Variants in FAM184B observed in about 807,000 individuals in gnomAD.
The protein encoded by FAM184B is protein FAM184B.
FAM184B carries 111 observed loss-of-function variants against 135.9 expected under a neutral mutation model. The ratio of observed to expected loss-of-function variants is 0.82; its 90% CI spans 0.70 to 0.96. The LOEUF (loss-of-function observed/expected upper bound fraction) is 0.96, where lower values mean the gene tolerates loss of function less well. Among genes scored for constraint, FAM184B ranks in the 40% least tolerant of loss-of-function variants. The pLI is 0.00. For missense variants in FAM184B, 1,375 were observed against 1,323.9 expected (o/e 1.04, Z -0.60); for synonymous variants, 552 against 524.8 (o/e 1.05, Z -0.71).
chr4:17,709,365 C>T lies in FAM184B; in HGVS notation c.421G>A (p.Ala141Thr), dbSNP rs1385399915. 2 of 1,544,282 alleles carry T rather than the reference C, an allele frequency of 1.3e-6. No homozygotes were observed. The highest frequency in any genetic ancestry group is 1.4e-5 in the African/African-American group (1 of 73,038). Residue 141 changes from alanine to threonine, a missense_variant, in exon 2 of 18, where the codon GCC becomes ACC. Physicochemically the swap from Ala to Thr is moderately conservative, Grantham distance 58. Transcript: ENST00000265018. ...ERELRVEAEH[A>T]ERVLTLSREM... is the part of the protein sequence containing the mutation. ...CTGGAGAGCGTGAGGACTCGCTCGG[C>T]GTGCTCTGCCTCCACCCTCAGCTCT... is the stretch of plus-strand genomic sequence containing the variant.
In FAM184B at chr4:17,666,587, G is replaced by C. The variant is rs535290821; in HGVS notation, c.1597-1928C>G. ...GATCTGCCCACCTCCGCCTCCCAAA[G>C]TGCTGGGATTACAGACGCAAGTCAC... On this transcript the variant is annotated intron_variant, in intron 7 of 17. Transcript: ENST00000265018. 2.8e-5 allele frequency among the ~76,000 whole-genome samples: 4 copies of C among 142,938 alleles called. No homozygotes were observed. In the East Asian group the frequency reaches 8.7e-4, roughly 31 times the overall value. The allele number at this position is 142,938 out of a possible 152,430, so 93.8% of individuals were successfully genotyped here.
intron 10 of FAM184B, among the ~76,000 whole-genome samples, chr4:17,653,824 A>C (rs73800326): frequency 0.077 from 9,412 of 122,936 alleles, 998 homozygotes; most frequent in African/African-American, 0.25. Context: ...GATTATCCTG[A>C]AATATCTGGG....
At chr4:17,641,996 G>C (rs1458600335) in intron 13 of FAM184B, 60 bp downstream of exon 13, 1 of 1,474,174 alleles carries the variant, frequency 6.8e-7, no homozygotes, top group Non-Finnish European at 8.9e-7. Context: ...GTAGGGGGAG[G>C]GGGGGTGGCG....
At chr4:17,766,912 G>A (rs1158182537) in intron 1 of FAM184B, among the ~76,000 whole-genome samples, 2 of 152,202 alleles carry the variant, frequency 1.3e-5, no homozygotes, top group Non-Finnish European at 2.9e-5. Flanking sequence ...GTGCAGGGGA[G>A]GCTCAGGCAT....
At chr4:17,739,668 C>A (rs1365931529) in intron 1 of FAM184B, among the ~76,000 whole-genome samples, 1 of 144,820 alleles carries the variant, frequency 6.9e-6, no homozygotes, top group African/African-American at 2.5e-5. Flanking sequence ...GATTCTCCTG[C>A]CTCAGCGTCC....
At chr4:17,643,794 C>T (rs549160959) in intron 12 of FAM184B, among the ~76,000 whole-genome samples, 30 of 152,334 alleles carry the variant, frequency 2.0e-4, no homozygotes, top group African/African-American at 7.2e-4. Context: ...TCCTCACCAC[C>T]CACAGGCACT....
chr4:17,765,356 A>T (rs560591798), intron 1 of FAM184B, among the ~76,000 whole-genome samples: 2 of 152,260 alleles, frequency 1.3e-5, no homozygotes, highest in African/African-American at 4.8e-5. Flanking sequence ...CCTCAAGGAA[A>T]CGTCTAGCAA....
At chr4:17,733,116 G>T in intron 1 of FAM184B, among the ~76,000 whole-genome samples, 1 of 151,644 alleles carries the variant, frequency 6.6e-6, no homozygotes. Flanking sequence ...TGCAGAAAAG[G>T]CCTTTGACAA....
chr4:17,729,742 A>G (rs1717731407), intron 1 of FAM184B, among the ~76,000 whole-genome samples: 1 of 152,252 alleles, frequency 6.6e-6, no homozygotes, highest in Non-Finnish European at 1.5e-5. Context: ...CAGAAAGGAC[A>G]TCCACACCAA....
In FAM184B at chr4:17,630,839, G is replaced by C. The variant is rs1714910494; in HGVS notation, c.*1693C>G. The stretch of plus-strand genomic sequence containing the variant: ...TGTGAACTGAACTTTCTATTTCTAA[G>C]CTGTCTTCATCTAATTTTACCTTTC... On this transcript the variant is annotated 3_prime_UTR_variant, in exon 18 of 18. Transcript: ENST00000265018. 1 of 151,816 alleles carries C rather than the reference G, an allele frequency of 6.6e-6. No individual in the cohort carries two copies. The highest frequency in any genetic ancestry group is 1.5e-5 in the Non-Finnish European group (1 of 67,978). 9.4% of individuals were successfully genotyped at this position (151,816 alleles called of 1,614,324 possible). A position where few individuals can be genotyped will look rare whatever the true frequency, so the allele number is the denominator to read the frequency against.
At chr4:17,678,836 G>C (rs1716375857) in intron 7 of FAM184B, among the ~76,000 whole-genome samples, 1 of 152,126 alleles carries the variant, frequency 6.6e-6, no homozygotes, top group South Asian at 2.1e-4. Flanking sequence ...CAGACACATA[G>C]GCCAATGGAA....
At chr4:17,711,762 C>T (rs564798564) in intron 1 of FAM184B, among the ~76,000 whole-genome samples, 21 of 152,202 alleles carry the variant, frequency 1.4e-4, no homozygotes, top group Admixed American at 1.2e-3. Context: ...TTTCAAGAGC[C>T]GTGAGAACAC....
intron 9 of FAM184B, 46 bp from the exon 10 acceptor site, chr4:17,658,608 C>T (rs1317720149): frequency 1.3e-6 from 2 of 1,523,904 alleles, no homozygotes; most frequent in African/African-American, 2.8e-5. Flanking sequence ...CTTGCCTTTC[C>T]TGGGATGTTT....
At chr4:17,741,317 T>C (rs1718027151) in intron 1 of FAM184B, among the ~76,000 whole-genome samples, 1 of 152,086 alleles carries the variant, frequency 6.6e-6, no homozygotes, top group Admixed American at 6.5e-5. Context: ...ACTGAGAAAG[T>C]GACATGCGAG....
intron 1 of FAM184B, among the ~76,000 whole-genome samples, chr4:17,709,889 A>G (rs1343187184): frequency 6.6e-6 from 1 of 152,220 alleles, no homozygotes; most frequent in Non-Finnish European, 1.5e-5. Context: ...GGCCCCAGAG[A>G]GGGCAGCTTT....
Position 17,781,037 on chromosome 4 carries a change from G to T in FAM184B, c.141+122C>A. ...TTTAGGACCGCTTCCCTTCCCGGTT[G>T]GCCTCCGAGACAAAGTTTCTGTCTG... On this transcript the variant is annotated intron_variant, in intron 1 of 17. Transcript: ENST00000265018. This position sits in a 1 kb window ranked among gnomAD's most constrained non-coding sequence, Gnocchi z 6.5. The T allele has an allele frequency of 8.1e-7, 1 of 1,238,748 alleles. No homozygotes were observed. The highest frequency in any genetic ancestry group is 1.1e-6 in the Non-Finnish European group (1 of 923,216). The allele number at this position is 1,238,748 out of a possible 1,614,324, so 76.7% of individuals were successfully genotyped here. A position where few individuals can be genotyped will look rare whatever the true frequency, so the allele number is the denominator to read the frequency against.
In FAM184B at chr4:17,632,498, C is replaced by T. The variant is rs1327910607; in HGVS notation, c.*34G>A. ...CGGATGATTTAAAATAAATGTTTTT[C>T]AAGTATCCTCTGTGATGTATCCCAA... On this transcript the variant is annotated 3_prime_UTR_variant, in exon 18 of 18. Transcript: ENST00000265018. 6.9e-7 allele frequency: 1 copy of T among 1,451,636 alleles called. No individual in the cohort carries two copies. Among genetic ancestry groups the T allele is most frequent in the South Asian group, 1.3e-5 (1 of 79,228 alleles). The allele number at this position is 1,451,636 out of a possible 1,614,324, so 89.9% of individuals were successfully genotyped here.
At chr4:17,761,115 T>C (rs983220411) in intron 1 of FAM184B, among the ~76,000 whole-genome samples, 51 of 152,250 alleles carry the variant, frequency 3.3e-4, no homozygotes, top group African/African-American at 1.2e-3. Flanking sequence ...AAAACGTCAG[T>C]AGTGTCCAGG....
intron 1 of FAM184B, among the ~76,000 whole-genome samples, chr4:17,742,168 A>ATATTTT (rs1459958150): frequency 9.1e-6 from 1 of 109,310 alleles, no homozygotes; most frequent in African/African-American, 4.8e-5. Flanking sequence ...ATATATATAT[A>ATATTTT]TTTTTTTTTT....
Sources: allele counts gnomAD v4.1 joint callset (sites outside exome capture counted in the v4.1 genomes callset), GRCh38; gene constraint gnomAD v4.1.1; non-coding constraint Gnocchi (gnomAD v3.1); transcripts MANE v1.5; gene names NCBI Gene and HGNC (gene_info 2026-07-23, HGNC 2026-07-21).